The following DIP2B variants were observed in gnomAD, a reference collection of about 807,000 sequenced individuals.
DIP2B encodes DIP2 acetate--CoA ligase B (putative), also known as disco-interacting protein 2 homolog B.
In DIP2B, 76 loss-of-function variants were observed where a neutral mutation model predicts 198.0. The ratio of observed to expected loss-of-function variants is 0.38; its 90% CI spans 0.32 to 0.46. DIP2B has a LOEUF of 0.46. DIP2B is among the 20% of genes least tolerant of loss of function. The pLI is 0.99. For synonymous variants in DIP2B, 701 were observed against 739.1 expected (o/e 0.95, Z 0.84); for missense variants, 1,559 against 1,978.4 (o/e 0.79, Z 4.02).
intron 21 of DIP2B, among the ~76,000 whole-genome samples, chr12:50,707,122 A>C (rs2139568489): frequency 6.6e-6 from 1 of 152,326 alleles, no homozygotes; most frequent in African/African-American, 2.4e-5. Flanking sequence ...CATAATTTCA[A>C]ATTCCATGGA....
chr12:50,526,423 G>T (rs966266829), intron 1 of DIP2B, among the ~76,000 whole-genome samples: 1 of 151,964 alleles, frequency 6.6e-6, no homozygotes, highest in African/African-American at 2.4e-5. Flanking sequence ...ACAACTTTCC[G>T]TTTCTTCAGT....
chr12:50,741,464 AG>A lies in DIP2B; in HGVS notation c.4404del (p.Glu1468AspfsTer2). 1 of 1,614,100 alleles carries A rather than the reference AG, an allele frequency of 6.2e-7. No individual in the cohort carries two copies. Among genetic ancestry groups the A allele is most frequent in the Non-Finnish European group, 8.5e-7 (1 of 1,180,012 alleles). ...GTGGGAGCGCTGGATGAAACACTGG[AG>A]CTGAGAGGATTACGATACCACCCAA... is the stretch of plus-strand genomic sequence containing the variant. ...YVVGALDETLELRGLRYHPID... is the reference protein window; with the variant it reads ...YVVGALDETLXLRGLRYHPID... On this transcript the variant is annotated frameshift_variant, in exon 37 of 38. Coordinates refer to ENST00000301180, the MANE Select transcript of DIP2B (RefSeq NM_173602.3). LOFTEE classifies it high-confidence loss of function.
rs984425810 is a variant in DIP2B at position 50,748,232 on chromosome 12, C to T, written c.*3393C>T. The T allele has an allele frequency of 6.6e-6, 1 of 152,658 alleles. No homozygotes were observed. The highest frequency in any genetic ancestry group is 2.4e-5 in the African/African-American group (1 of 41,452). The allele number at this position is 152,658 out of a possible 1,614,324, so 9.5% of individuals were successfully genotyped here. A position where few individuals can be genotyped will look rare whatever the true frequency, so the allele number is the denominator to read the frequency against. ...CTAAAGCAATGAGGAGTTATCACCT[C>T]ATCCTCAAACTCCAACAAGATCTAT... On this transcript the variant is annotated 3_prime_UTR_variant, in exon 38 of 38. Transcript: ENST00000301180.
chr12:50,683,369 A>G, intron 10 of DIP2B, 121 bp downstream of exon 10: 1 of 712,986 alleles, frequency 1.4e-6, no homozygotes, highest in Non-Finnish European at 2.3e-6. Context: ...ACTCAGCTTC[A>G]CTTTCTAAAA....
At chr12:50,594,387 C>A (rs1958861041) in intron 1 of DIP2B, among the ~76,000 whole-genome samples, 1 of 152,086 alleles carries the variant, frequency 6.6e-6, no homozygotes, top group Non-Finnish European at 1.5e-5. Flanking sequence ...GATATGAATT[C>A]CCATACCTAT....
intron 1 of DIP2B, among the ~76,000 whole-genome samples, chr12:50,543,079 G>A (rs1211627466): frequency 6.6e-6 from 1 of 151,782 alleles, no homozygotes. Flanking sequence ...TCACCAAGTT[G>A]CCCAGGCTGG....
chr12:50,633,911 A>G (rs1479430159), intron 2 of DIP2B, among the ~76,000 whole-genome samples: 1 of 152,200 alleles, frequency 6.6e-6, no homozygotes, highest in African/African-American at 2.4e-5. Flanking sequence ...TCTTTAGTTA[A>G]ACAAGAGCCA....
At chr12:50,525,357 C>CAA (rs71083585) in intron 1 of DIP2B, among the ~76,000 whole-genome samples, 8 of 105,850 alleles carry the variant, frequency 7.6e-5, no homozygotes, top group African/African-American at 2.4e-4. Flanking sequence ...GACTCCATCT[C>CAA]AAAAAAAAAA....
chr12:50,625,873 T>C, intron 1 of DIP2B, 103 bp from the exon 2 acceptor site: 1 of 1,169,316 alleles, frequency 8.6e-7, no homozygotes, highest in Non-Finnish European at 1.2e-6. Context: ...CCCCTGCCTC[T>C]ATATGGGGTA....
At chr12:50,591,881 G>GTTT (rs200971587) in intron 1 of DIP2B, among the ~76,000 whole-genome samples, 1 of 139,684 alleles carries the variant, frequency 7.2e-6, no homozygotes, top group Non-Finnish European at 1.6e-5. Context: ...ATTTTTGTGT[G>GTTT]TTTTTTTTTT....
At chr12:50,737,854 C>G (rs562114452) in intron 35 of DIP2B, among the ~76,000 whole-genome samples, 1 of 152,108 alleles carries the variant, frequency 6.6e-6, no homozygotes, top group Admixed American at 6.5e-5. Context: ...TCCCAAAATA[C>G]TAGGATTACA....
chr12:50,618,322 C>T (rs186430996), intron 1 of DIP2B, among the ~76,000 whole-genome samples: 135 of 152,284 alleles, frequency 8.9e-4, no homozygotes, highest in Non-Finnish European at 1.4e-3. Context: ...GAGGCACAAA[C>T]GGCCAAGTCC....
intron 19 of DIP2B, among the ~76,000 whole-genome samples, chr12:50,701,569 A>G (rs1026663683): frequency 6.6e-6 from 1 of 151,974 alleles, no homozygotes; most frequent in Non-Finnish European, 1.5e-5. Context: ...TTTTTAGTAG[A>G]GATGGGGTTT....
chr12:50,647,867 C>T (rs1043741257), intron 3 of DIP2B, among the ~76,000 whole-genome samples: 3 of 152,156 alleles, frequency 2.0e-5, no homozygotes, highest in Non-Finnish European at 4.4e-5. Context: ...GTAATCCTAG[C>T]ATTTTGGGAG....
At chr12:50,635,212 G>A (rs1033902944) in intron 2 of DIP2B, among the ~76,000 whole-genome samples, 4 of 152,106 alleles carry the variant, frequency 2.6e-5, no homozygotes, top group Non-Finnish European at 5.9e-5. Context: ...ACGTTTGTGT[G>A]TTTGATTTTC....
intron 17 of DIP2B, 82 bp downstream of exon 17, chr12:50,697,257 G>T: frequency 8.3e-7 from 1 of 1,200,988 alleles, no homozygotes. Flanking sequence ...GATGACCAAC[G>T]GATGTTAACT....
chr12:50,548,762 G>C (rs755307687), intron 1 of DIP2B, among the ~76,000 whole-genome samples: 14 of 152,170 alleles, frequency 9.2e-5, no homozygotes, highest in Non-Finnish European at 1.9e-4. Context: ...CTGACCTCAG[G>C]TAATTCCCCG....
intron 1 of DIP2B, among the ~76,000 whole-genome samples, chr12:50,596,239 A>G (rs1419974791): frequency 1.3e-5 from 2 of 152,260 alleles, no homozygotes; most frequent in Admixed American, 1.3e-4. Context: ...TATAAAAGTA[A>G]GAATTATAAG....
Position 50,674,567 on chromosome 12 carries a change from C to T in DIP2B, c.734C>T (p.Ser245Leu), listed in dbSNP as rs768683464. 1.7e-5 allele frequency: 27 copies of T among 1,614,090 alleles called. No individual in the cohort carries two copies. Among genetic ancestry groups the T allele is most frequent in the Non-Finnish European group, 2.2e-5 (26 of 1,180,042 alleles). The change falls in exon 6 of 38, where the codon TCG (serine) becomes TTG (leucine). Residue 245 changes from serine (S) to leucine (L), a missense_variant. Physicochemically the swap from Ser to Leu is moderately radical, Grantham distance 145 (BLOSUM62 -2). Transcript: ENST00000301180. ...CCAGCAAACATTGACCTGCCCCCCT[C>T]GGGGATAGTTAAAGGCATGCACAAA... ...IRPANIDLPP[S>L]GIVKGMHKGS...
Sources: gnomAD v4.1 joint callset for allele counts (sites outside exome capture counted in the v4.1 genomes callset) on GRCh38, gnomAD v4.1.1 for gene constraint, MANE v1.5 for transcripts, NCBI Gene and HGNC (gene_info 2026-07-23, HGNC 2026-07-21) for gene names.